Variants in ITFG2 observed in about 807,000 individuals in gnomAD.
ITFG2 encodes the protein KICSTOR complex protein ITFG2.
ITFG2 carries 36 observed loss-of-function variants against 54.4 expected under a neutral mutation model. The observed-to-expected ratio is 0.66, with a 90% CI of 0.51 to 0.87. The LOEUF is 0.87. Ranked by LOEUF, ITFG2 falls within the 40% of genes least tolerant of loss-of-function variation. The pLI, the probability that ITFG2 is intolerant of heterozygous loss-of-function variation, is 0.00. For missense variants in ITFG2, 524 were observed against 576.7 expected, an observed-to-expected ratio of 0.91 and a Z score of 0.94; for synonymous variants, 211 against 225.4, an observed-to-expected ratio of 0.94 and a Z score of 0.57.
rs1230223251 is a variant in ITFG2, at chr12:2,849,440, TC to T, written n.300+8447del. On this transcript the variant is annotated intron_variant and non_coding_transcript_variant, in intron 2 of 3. Transcript: ENST00000537710. The stretch of plus-strand genomic sequence containing the variant: ...GGCAGAGGGTTTGGGCAGGGCCAGC[TC>T]CTGGCGAAATTATTGGGAAACGGGT... 6.5e-6 allele frequency: 10 copies of T among 1,536,030 alleles called. No homozygotes were observed. The Middle Eastern group carries it at 5.0e-4, about 77-fold the overall frequency.
Position 2,817,337 on chromosome 12 carries a change from G to A in ITFG2, c.192+19G>A, listed in dbSNP as rs748759354. ...GGGAATGGTCAGTATTCACTTCCCT[G>A]GGCCTGGAGGGGGGAAGGGATCCCT... is the stretch of plus-strand genomic sequence containing the variant. On this transcript the variant is annotated intron_variant, in intron 2 of 11. Transcript: ENST00000228799. 3.9e-6 allele frequency: 6 copies of A among 1,557,652 alleles called. No homozygotes were observed. The highest frequency in any genetic ancestry group is 4.4e-6 in the Non-Finnish European group (5 of 1,130,656).
At chr12:2,835,141 G>A (rs1244649648), upstream of ITFG2, 18 of 1,434,222 alleles carry the variant, frequency 1.3e-5, no homozygotes, top group African/African-American at 1.2e-4. Flanking sequence ...TGGTCAGAGC[G>A]GGCGGTGGAT....
intron 2 of ITFG2, among the ~76,000 whole-genome samples, chr12:2,851,081 C>G (rs993212453): frequency 2.1e-5 from 3 of 140,884 alleles, no homozygotes; most frequent in African/African-American, 8.0e-5. Context: ...CCAGGAGAAT[C>G]GCTTGAACCC....
intron 3 of ITFG2, chr12:2,859,149 A>G (rs535471991): frequency 1.2e-5 from 20 of 1,606,426 alleles, no homozygotes; most frequent in Non-Finnish European, 1.5e-5. Flanking sequence ...AGGTCCTCCC[A>G]CTTCCTGGGA....
upstream of ITFG2, chr12:2,834,871 G>A: frequency 6.2e-7 from 1 of 1,613,782 alleles, no homozygotes; most frequent in Non-Finnish European, 8.5e-7. Flanking sequence ...GCTGCTCGGT[G>A]GGGGCGTCAC....
At chr12:2,821,522 T>G in intron 7 of ITFG2, 21 bp from the exon 8 acceptor site, 1 of 1,613,894 alleles carries the variant, frequency 6.2e-7, no homozygotes, top group South Asian at 1.1e-5. Context: ...CCTTTACATA[T>G]TCTTCCTCTG....
chr12:2,837,472 C>T (rs1265376442), intron 1 of ITFG2, among the ~76,000 whole-genome samples: 13 of 150,450 alleles, frequency 8.6e-5, no homozygotes, highest in South Asian at 2.1e-4. Context: ...AGAGAGACTC[C>T]GTCTCAAAAA....
chr12:2,849,955 T>C (rs969081449), intron 2 of ITFG2, among the ~76,000 whole-genome samples: 3 of 152,206 alleles, frequency 2.0e-5, no homozygotes, highest in African/African-American at 7.2e-5. Context: ...CAGACTTTTG[T>C]TTCTTTTAAC....
At chr12:2,855,254 C>A in intron 2 of ITFG2, 1 of 1,508,964 alleles carries the variant, frequency 6.6e-7, no homozygotes, top group African/African-American at 1.4e-5. Context: ...GTGTGCTGGG[C>A]GCCACCCTTC....
In ITFG2 at chr12:2,820,866, G is replaced by T. The variant is rs764518740; in HGVS notation, c.689G>T (p.Gly230Val). 6 of 1,614,026 alleles carry T rather than the reference G, an allele frequency of 3.7e-6. No individual in the cohort carries two copies. Among genetic ancestry groups the T allele is most frequent in the Non-Finnish European group, 4.2e-6 (5 of 1,179,928 alleles). Reference sequence around the variant, plus strand: ...CCTGCCTCTGAAGGGCCCACGGATGGTAGTAGGTAAGGGGGTACAGGCCAG... The same window carrying T: ...CCTGCCTCTGAAGGGCCCACGGATGTTAGTAGGTAAGGGGGTACAGGCCAG... ...SPPASEGPTD[G>V]SRETPAARDV... is the part of the protein sequence containing the mutation. The change falls in exon 6 of 12, where the codon GGT becomes GTT. Residue 230 changes from glycine to valine, a missense_variant. Coordinates refer to ENST00000228799, the MANE Select transcript of ITFG2 (RefSeq NM_018463.4).
chr12:2,836,864 A>G (rs1313096788), exon 1 of ITFG2: 1 of 152,322 alleles, frequency 6.6e-6, no homozygotes, highest in Non-Finnish European at 1.5e-5. Context: ...ACCAGAAGCC[A>G]GGGGAGAGGC....
chr12:2,819,467 CAAAA>C, intron 4 of ITFG2, among the ~76,000 whole-genome samples: 1 of 123,350 alleles, frequency 8.1e-6, no homozygotes, highest in Non-Finnish European at 1.7e-5. Context: ...GACTCCGTCT[CAAAA>C]AAAAAAAAAA....
chr12:2,850,653 TTTTTGTTTTGTTTTG>T (rs150335236), intron 2 of ITFG2, among the ~76,000 whole-genome samples: 6 of 97,702 alleles, frequency 6.1e-5, no homozygotes, highest in East Asian at 2.8e-4. Context: ...AGAGTCTTTG[TTTTTGTTTTGTTTTG>T]TTTTGTTTTG....
chr12:2,817,465 T>A, intron 2 of ITFG2, 147 bp downstream of exon 2: 1 of 611,854 alleles, frequency 1.6e-6, no homozygotes, highest in Admixed American at 2.9e-5. Context: ...CCAATTTGAT[T>A]CAGGGAGGGC....
At chr12:2,828,444 G>C, downstream of ITFG2, 1 of 1,543,060 alleles carries the variant, frequency 6.5e-7, no homozygotes, top group Non-Finnish European at 8.9e-7. Context: ...GTGAATCAGT[G>C]AGTCCCTAGG....
At chr12:2,813,600 G>C (rs544860620) in intron 1 of ITFG2, among the ~76,000 whole-genome samples, 2 of 152,210 alleles carry the variant, frequency 1.3e-5, no homozygotes, top group Middle Eastern at 3.4e-3. Context: ...GCATTAAAGG[G>C]AATAGTGTCT....
At chr12:2,842,303 A>T (rs1328703219) in intron 2 of ITFG2, among the ~76,000 whole-genome samples, 8 of 148,552 alleles carry the variant, frequency 5.4e-5, no homozygotes, top group Non-Finnish European at 1.0e-4. Context: ...TTGTATTTTT[A>T]GTAGAGACAG....
At chr12:2,858,577 C>T in intron 3 of ITFG2, 5 of 1,442,684 alleles carry the variant, frequency 3.5e-6, no homozygotes, top group Non-Finnish European at 4.8e-6. Context: ...GCTTGGGGTG[C>T]ACTGAGCCTT....
chr12:2,814,078 G>A (rs939639191), intron 1 of ITFG2, among the ~76,000 whole-genome samples: 12 of 152,082 alleles, frequency 7.9e-5, no homozygotes, highest in Admixed American at 2.6e-4. Context: ...TGCGTAGCTG[G>A]GACTACAGGT....
Sources: gnomAD v4.1 joint callset for allele counts (sites outside exome capture counted in the v4.1 genomes callset) on GRCh38, gnomAD v4.1.1 for gene constraint, MANE v1.5 for transcripts, NCBI Gene and HGNC (gene_info 2026-07-23, HGNC 2026-07-21) for gene names.